The following CCNJL variants were observed in gnomAD, a reference collection of about 807,000 sequenced individuals.
The protein encoded by CCNJL is cyclin-J-like protein.
A neutral mutation model predicts 33.4 loss-of-function variants in CCNJL; 33 were observed. The ratio of observed to expected loss-of-function variants is 0.99; its 90% CI spans 0.75 to 1.32. The LOEUF is 1.32. Among genes scored for constraint, CCNJL ranks in the 40% most tolerant of loss-of-function variants. The probability of loss-of-function intolerance (pLI) is 0.00; values close to 1 mark genes in which losing one functional copy is unlikely to be tolerated. For missense variants in CCNJL, 512 were observed against 499.7 expected, an observed-to-expected ratio of 1.02 and a Z score of -0.23; for synonymous variants, 227 against 220.9, an observed-to-expected ratio of 1.03 and a Z score of -0.24.
chr5:160,283,027 A>G (rs1390719447), intron 2 of CCNJL, among the ~76,000 whole-genome samples: 1 of 115,470 alleles, frequency 8.7e-6, no homozygotes, highest in Non-Finnish European at 1.8e-5. Flanking sequence ...ATATATATAT[A>G]CCTAAGAGAA....
chr5:160,282,078 T>C (rs1345421404), intron 2 of CCNJL, among the ~76,000 whole-genome samples: 1 of 152,234 alleles, frequency 6.6e-6, no homozygotes, highest in Non-Finnish European at 1.5e-5. Flanking sequence ...AGCTCACTTA[T>C]GGCAGGCTCA....
intron 1 of CCNJL, among the ~76,000 whole-genome samples, chr5:160,329,463 G>A (rs910556308): frequency 6.7e-6 from 1 of 149,114 alleles, no homozygotes; most frequent in Non-Finnish European, 1.5e-5. Flanking sequence ...CCATTCTCCC[G>A]CCTCAGACTC....
rs570534128 is a variant in CCNJL at position 160,282,407 on chromosome 5, T to C, written c.67-1669A>G. ...TTAATGGCCTTAGATTAGGCAATGG[T>C]TTCTTAGATATGACACTAAAACAAG... On this transcript the variant is annotated intron_variant, in intron 2 of 5. Coordinates refer to ENST00000257536, the MANE Select transcript of CCNJL (RefSeq NM_001308173.3). 5.3e-5 allele frequency among the ~76,000 whole-genome samples: 8 copies of C among 152,292 alleles called. No individual in the cohort carries two copies. The South Asian group carries it at 1.7e-3, about 32-fold the overall frequency.
chr5:160,287,316 A>G (rs1762437891), intron 2 of CCNJL, among the ~76,000 whole-genome samples: 1 of 152,174 alleles, frequency 6.6e-6, no homozygotes, highest in Non-Finnish European at 1.5e-5. Flanking sequence ...TTTCAAAGAA[A>G]CCTGCTTTGA....
chr5:160,297,987 T>C (rs1266645012), intron 2 of CCNJL, among the ~76,000 whole-genome samples: 2 of 152,196 alleles, frequency 1.3e-5, no homozygotes, highest in Admixed American at 6.5e-5. Context: ...GGGAAGTCCA[T>C]GTTATACCAT....
chr5:160,286,640 A>T (rs1366901186), intron 2 of CCNJL, among the ~76,000 whole-genome samples: 1 of 152,154 alleles, frequency 6.6e-6, no homozygotes, highest in African/African-American at 2.4e-5. Context: ...TCTGTCTCAA[A>T]AAAAAAGCAA....
At chr5:160,321,435 A>G (rs1031074506) in intron 1 of CCNJL, among the ~76,000 whole-genome samples, 1 of 152,106 alleles carries the variant, frequency 6.6e-6, no homozygotes, top group Non-Finnish European at 1.5e-5. Context: ...TCCTTGGGCC[A>G]CCTGGATGCC....
intron 1 of CCNJL, among the ~76,000 whole-genome samples, chr5:160,335,132 A>T (rs752935366): frequency 3.3e-5 from 5 of 152,182 alleles, no homozygotes; most frequent in African/African-American, 1.2e-4. Flanking sequence ...GTGTGGTGGC[A>T]TGCGCCTGTA....
At chr5:160,300,645 C>A (rs1042770644) in intron 2 of CCNJL, among the ~76,000 whole-genome samples, 3 of 152,046 alleles carry the variant, frequency 2.0e-5, no homozygotes, top group Non-Finnish European at 4.4e-5. Context: ...AGATTGGACA[C>A]CCCCGCTCTA....
intron 2 of CCNJL, among the ~76,000 whole-genome samples, chr5:160,291,068 A>AAG (rs1257277886): frequency 6.8e-6 from 1 of 147,940 alleles, no homozygotes; most frequent in Admixed American, 6.7e-5. Context: ...AAAAGAAAGA[A>AAG]AGAGAGAGAG....
At chr5:160,287,324 T>C (rs1165296672) in intron 2 of CCNJL, among the ~76,000 whole-genome samples, 1 of 152,200 alleles carries the variant, frequency 6.6e-6, no homozygotes, top group Non-Finnish European at 1.5e-5. Flanking sequence ...AAACCTGCTT[T>C]GAGAAATGTG....
chr5:160,298,204 C>T (rs1325658512), intron 2 of CCNJL, among the ~76,000 whole-genome samples: 2 of 152,150 alleles, frequency 1.3e-5, no homozygotes, highest in Middle Eastern at 3.2e-3. Flanking sequence ...CCCCACAAGA[C>T]TATGTTGAGG....
intron 2 of CCNJL, among the ~76,000 whole-genome samples, chr5:160,283,755 A>C: frequency 1.3e-5 from 2 of 149,454 alleles, no homozygotes; most frequent in African/African-American, 2.5e-5. Flanking sequence ...AACCATCCCC[A>C]CCTCCCCCAC....
intron 3 of CCNJL, among the ~76,000 whole-genome samples, chr5:160,280,087 T>C (rs1009411586): frequency 6.6e-6 from 1 of 152,128 alleles, no homozygotes; most frequent in African/African-American, 2.4e-5. Flanking sequence ...TTATGAACAG[T>C]GGTTGCTAGG....
At chr5:160,311,821 C>A in intron 2 of CCNJL, 37 bp downstream of exon 2, 1 of 1,577,024 alleles carries the variant, frequency 6.3e-7, no homozygotes, top group Non-Finnish European at 8.7e-7. Flanking sequence ...GAGACTGTAC[C>A]CAGTCTTGAG....
At chr5:160,287,227 C>T (rs747322008) in intron 2 of CCNJL, among the ~76,000 whole-genome samples, 6 of 152,202 alleles carry the variant, frequency 3.9e-5, no homozygotes, top group Non-Finnish European at 5.9e-5. Context: ...AGCCTAGTGG[C>T]CCTTCCTCTT....
intron 2 of CCNJL, among the ~76,000 whole-genome samples, chr5:160,298,790 T>C (rs536968837): frequency 4.3e-4 from 65 of 152,184 alleles, no homozygotes; most frequent in African/African-American, 1.5e-3. Context: ...AACCAATCTG[T>C]TAACAATGAA....
chr5:160,300,472 A>G (rs1393548182), intron 2 of CCNJL, among the ~76,000 whole-genome samples: 1 of 152,210 alleles, frequency 6.6e-6, no homozygotes, highest in Non-Finnish European at 1.5e-5. Context: ...CATGCTGCCC[A>G]GGACAACTTT....
At chr5:160,259,821 C>T (rs371574007) in intron 3 of CCNJL, 50 bp from the exon 4 acceptor site, 5 of 1,505,476 alleles carry the variant, frequency 3.3e-6, no homozygotes, top group Middle Eastern at 1.8e-4. Context: ...TTTACCTGAA[C>T]CCAGGAAGCT....
Sources: gnomAD v4.1 joint callset for allele counts (sites outside exome capture counted in the v4.1 genomes callset) on GRCh38, gnomAD v4.1.1 for gene constraint, MANE v1.5 for transcripts, NCBI Gene and HGNC (gene_info 2026-07-23, HGNC 2026-07-21) for gene names.